The following TUSC3 variants were observed in gnomAD, a reference collection of about 807,000 sequenced individuals.
TUSC3 encodes tumor suppressor candidate 3, also known as dolichyl-diphosphooligosaccharide--protein glycosyltransferase subunit TUSC3.
A neutral mutation model predicts 44.8 loss-of-function variants in TUSC3; 45 were observed. That is an observed-to-expected ratio of 1.00 (90% CI 0.79 to 1.29). TUSC3 has a LOEUF of 1.29. Among genes scored for constraint, TUSC3 ranks in the 50% most tolerant of loss-of-function variants. The probability of loss-of-function intolerance (pLI) is 0.00; values close to 1 mark genes in which losing one functional copy is unlikely to be tolerated. For synonymous variants in TUSC3, 212 were observed against 152.9 expected (o/e 1.39, Z -2.85); for missense variants, 519 against 437.9 (o/e 1.19, Z -1.65).
intron 1 of TUSC3, among the ~76,000 whole-genome samples, chr8:15,573,274 A>G (rs932120237): frequency 2.2e-5 from 3 of 139,056 alleles, no homozygotes; most frequent in Non-Finnish European, 4.6e-5. Flanking sequence ...CACTCCTGGG[A>G]GGCCTAGGAT....
intron 1 of TUSC3, among the ~76,000 whole-genome samples, chr8:15,473,541 A>G (rs371669125): frequency 1.6e-3 from 247 of 152,282 alleles, no homozygotes; most frequent in African/African-American, 5.7e-3. Context: ...CGTAGGTTCT[A>G]TTTTCCATAA....
the TUSC3 span, among the ~76,000 whole-genome samples, chr8:15,846,367 T>G: frequency 6.6e-6 from 1 of 152,164 alleles, no homozygotes. Flanking sequence ...TTACTGCTAC[T>G]GAATATATAC....
At chr8:15,590,487 T>C (rs1465405168) in intron 1 of TUSC3, among the ~76,000 whole-genome samples, 2 of 152,148 alleles carry the variant, frequency 1.3e-5, no homozygotes, top group South Asian at 2.1e-4. Flanking sequence ...ATAAATTCTT[T>C]CTTGCCAATT....
intron 6 of TUSC3, among the ~76,000 whole-genome samples, chr8:15,708,869 G>C (rs1482677792): frequency 6.6e-6 from 1 of 151,816 alleles, no homozygotes; most frequent in East Asian, 1.9e-4. Flanking sequence ...AAATACATCA[G>C]AATTTCAGAT....
chr8:15,673,776 G>C lies in TUSC3; in HGVS notation c.738G>C (p.Gln246His), dbSNP rs756069881. ...TAGTCTTTGCTATGACTTCTGGCCA[G>C]ATGTGGAACCATATCCGTGGACCTC... ...LCIVFAMTSG[Q>H]MWNHIRGPPY... Residue 246 changes from glutamine (Q) to histidine (H), a missense_variant, in exon 6 of 11, where the codon CAG (glutamine) becomes CAC (histidine). By Grantham distance (24) the Gln-to-His change is conservative. Coordinates refer to ENST00000503731, the MANE Select transcript of TUSC3 (RefSeq NM_006765.4). The C allele has an allele frequency of 1.9e-6, 3 of 1,612,764 alleles. No individual in the cohort carries two copies. Among genetic ancestry groups the C allele is most frequent in the Non-Finnish European group, 2.5e-6 (3 of 1,179,186 alleles).
At chr8:15,575,966 A>G (rs1803086415) in intron 1 of TUSC3, among the ~76,000 whole-genome samples, 1 of 120,618 alleles carries the variant, frequency 8.3e-6, no homozygotes, top group Non-Finnish European at 2.0e-5. Context: ...TATATTGTGA[A>G]TTGATATAAT....
chr8:15,829,994 G>T, the TUSC3 span, among the ~76,000 whole-genome samples: 17 of 152,038 alleles, frequency 1.1e-4, no homozygotes, highest in African/African-American at 1.7e-4. Flanking sequence ...CATTCTGGCT[G>T]GTGTGAGATG....
At chr8:15,589,111 C>T (rs1207678952) in intron 1 of TUSC3, among the ~76,000 whole-genome samples, 4 of 152,118 alleles carry the variant, frequency 2.6e-5, no homozygotes, top group African/African-American at 9.7e-5. Flanking sequence ...GTCTGTTTGT[C>T]AGATACAAAT....
chr8:15,796,042 C>G, the TUSC3 span, among the ~76,000 whole-genome samples: 1 of 151,532 alleles, frequency 6.6e-6, no homozygotes, highest in African/African-American at 2.4e-5. Context: ...ACAATGTGGC[C>G]TTACCCTCAG....
intron 6 of TUSC3, among the ~76,000 whole-genome samples, chr8:15,724,307 A>G (rs1034152681): frequency 1.5e-4 from 23 of 152,236 alleles, no homozygotes; most frequent in South Asian, 6.2e-4. Flanking sequence ...TGTTAGGGCA[A>G]CCAAGCAGAC....
chr8:15,689,103 T>G, intron 6 of TUSC3: 1 of 380,498 alleles, frequency 2.6e-6, no homozygotes, highest in Admixed American at 3.3e-5. Flanking sequence ...TTTCTGTAGC[T>G]GCTCGTCTTG....
intron 2 of TUSC3, among the ~76,000 whole-genome samples, chr8:15,494,525 G>A (rs1585065197): frequency 6.6e-6 from 1 of 152,206 alleles, no homozygotes; most frequent in East Asian, 1.9e-4. Flanking sequence ...CACTGTGTTA[G>A]CCAGGATGGT....
chr8:15,497,443 T>C (rs1800898607), intron 2 of TUSC3, among the ~76,000 whole-genome samples: 1 of 152,106 alleles, frequency 6.6e-6, no homozygotes, highest in African/African-American at 2.4e-5. Flanking sequence ...CATGTTAAAA[T>C]TAGATTCCAG....
intron 1 of TUSC3, among the ~76,000 whole-genome samples, chr8:15,577,089 T>A (rs1447216702): frequency 2.1e-5 from 3 of 144,440 alleles, no homozygotes; most frequent in African/African-American, 7.6e-5. Context: ...TTCATGTGTT[T>A]CTTGGCTGCA....
At chr8:15,828,478 C>T in the TUSC3 span, among the ~76,000 whole-genome samples, 6 of 152,132 alleles carry the variant, frequency 3.9e-5, no homozygotes, top group African/African-American at 9.7e-5. Context: ...CTACAAGCCA[C>T]TCTTACAACT....
intron 2 of TUSC3, among the ~76,000 whole-genome samples, chr8:15,521,640 A>C (rs1308945406): frequency 1.3e-5 from 2 of 152,150 alleles, no homozygotes; most frequent in East Asian, 3.9e-4. Flanking sequence ...TACGTGCATA[A>C]ACTTTAAGAA....
At chr8:15,500,322 T>C (rs141471509) in intron 2 of TUSC3, among the ~76,000 whole-genome samples, 1 of 152,322 alleles carries the variant, frequency 6.6e-6, no homozygotes, top group East Asian at 1.9e-4. Context: ...AGTTTATTGT[T>C]TTCAAAAGCC....
At chr8:15,469,377 C>G (rs1212033183) in intron 1 of TUSC3, among the ~76,000 whole-genome samples, 3 of 152,090 alleles carry the variant, frequency 2.0e-5, no homozygotes, top group Non-Finnish European at 4.4e-5. Context: ...CGAAGATATA[C>G]AGATGGCAAA....
At chr8:15,634,703 A>G (rs530268974) in intron 2 of TUSC3, among the ~76,000 whole-genome samples, 4 of 151,890 alleles carry the variant, frequency 2.6e-5, no homozygotes, top group Middle Eastern at 3.4e-3. Flanking sequence ...CTCCCTCTCT[A>G]CCTCCTAGGA....
Sources: gnomAD v4.1 joint callset for allele counts (sites outside exome capture counted in the v4.1 genomes callset) on GRCh38, gnomAD v4.1.1 for gene constraint, MANE v1.5 for transcripts, NCBI Gene and HGNC (gene_info 2026-07-23, HGNC 2026-07-21) for gene names.